PDE7B: variants seen among roughly 807,000 people sequenced by gnomAD.
PDE7B encodes the protein phosphodiesterase 7B.
A neutral mutation model predicts 56.2 loss-of-function variants in PDE7B; 29 were observed. That is an observed-to-expected ratio of 0.52 (90% CI 0.38 to 0.70). PDE7B has a LOEUF of 0.70. Ranked by LOEUF, PDE7B falls within the 30% of genes least tolerant of loss-of-function variation. The pLI is 0.00. For synonymous variants in PDE7B, 197 were observed against 196.9 expected (o/e 1.00, Z 0.00); for missense variants, 490 against 565.0 (o/e 0.87, Z 1.35).
intron 12 of PDE7B, among the ~76,000 whole-genome samples, chr6:136,187,753 A>C (rs1043118646): frequency 6.6e-6 from 1 of 152,258 alleles, no homozygotes; most frequent in African/African-American, 2.4e-5. Flanking sequence ...CCAAGAAGCA[A>C]ATCAAACTGT....
chr6:136,037,886 C>G (rs1776350564), intron 2 of PDE7B: 1 of 933,566 alleles, frequency 1.1e-6, no homozygotes, highest in African/African-American at 1.8e-5. Flanking sequence ...ACCTCGATGG[C>G]TTTTTTTTTT....
rs11440304 is a variant in PDE7B, at chr6:135,889,440, ATTT to A, written c.21+37441_21+37443del. ...CCACCGCACCCGAATGGTGCTACCA[ATTT>A]TTTTTTTTTTTTTTTTTTTGAGATG... On this transcript the variant is annotated intron_variant, in intron 1 of 12. Coordinates refer to ENST00000308191, the MANE Select transcript of PDE7B (RefSeq NM_018945.4). 4.3e-4 allele frequency among the ~76,000 whole-genome samples: 44 copies of A among 103,320 alleles called. No individual in the cohort carries two copies. In the East Asian group the frequency reaches 0.01, roughly 24 times the overall value. The allele number at this position is 103,320 out of a possible 152,430, so 67.8% of individuals were successfully genotyped here. A position where few individuals can be genotyped will look rare whatever the true frequency, so the allele number is the denominator to read the frequency against.
intron 2 of PDE7B, among the ~76,000 whole-genome samples, chr6:136,027,411 A>C (rs371335511): frequency 3.9e-5 from 6 of 152,322 alleles, no homozygotes; most frequent in African/African-American, 1.4e-4. Flanking sequence ...GAAGTCTGAC[A>C]ATCATTAGAG....
chr6:135,883,417 C>T (rs891326315), intron 1 of PDE7B, among the ~76,000 whole-genome samples: 2 of 152,044 alleles, frequency 1.3e-5, no homozygotes, highest in African/African-American at 2.4e-5. Context: ...TATTTATTAA[C>T]GAGCTATGTT....
intron 2 of PDE7B, among the ~76,000 whole-genome samples, chr6:136,099,741 A>G (rs751635137): frequency 8.6e-5 from 13 of 152,024 alleles, no homozygotes; most frequent in Non-Finnish European, 1.2e-4. Flanking sequence ...CACCCTGATG[A>G]TAGTTTCTTT....
intron 3 of PDE7B, among the ~76,000 whole-genome samples, chr6:136,113,778 G>A (rs543008374): frequency 9.8e-5 from 15 of 152,318 alleles, no homozygotes; most frequent in African/African-American, 3.6e-4. Flanking sequence ...ACCCAGAGGG[G>A]AGAGTTGCAG....
chr6:135,978,508 G>A (rs183441656), intron 2 of PDE7B, among the ~76,000 whole-genome samples: 119 of 151,900 alleles, frequency 7.8e-4, no homozygotes, highest in Non-Finnish European at 5.2e-4. Context: ...TAAATTAACC[G>A]TAGCTTACAA....
intron 2 of PDE7B, among the ~76,000 whole-genome samples, chr6:136,062,185 A>G (rs1225729345): frequency 6.6e-6 from 1 of 152,144 alleles, no homozygotes; most frequent in African/African-American, 2.4e-5. Context: ...ATACAGTACT[A>G]TTATCCTTTT....
At chr6:135,972,473 T>C (rs893920960) in intron 2 of PDE7B, among the ~76,000 whole-genome samples, 1 of 152,098 alleles carries the variant, frequency 6.6e-6, no homozygotes, top group African/African-American at 2.4e-5. Flanking sequence ...GCATAAATCA[T>C]AAGTCATCTA....
intron 2 of PDE7B, among the ~76,000 whole-genome samples, chr6:136,057,872 G>A (rs1776765444): frequency 6.6e-6 from 1 of 152,042 alleles, no homozygotes; most frequent in Admixed American, 6.6e-5. Flanking sequence ...AAGTAGCTGG[G>A]GTCACAGGCG....
At chr6:136,004,731 A>G (rs1357482609) in intron 2 of PDE7B, among the ~76,000 whole-genome samples, 2 of 152,248 alleles carry the variant, frequency 1.3e-5, no homozygotes, top group Non-Finnish European at 1.5e-5. Flanking sequence ...AGAACATTCC[A>G]TGTTCATGGG....
rs1327885931 is a variant in PDE7B at position 135,928,465 on chromosome 6, TTATTTA to T, written c.22-18995_22-18990del. On this transcript the variant is annotated intron_variant, in intron 1 of 12. Transcript: ENST00000308191. The stretch of plus-strand genomic sequence containing the variant: ...TATATATATTTATTTATATATATAT[TTATTTA>T]TATATATATATTTATTTATATATAT... Among the ~76,000 whole-genome samples the T allele has an allele frequency of 6.8e-3, 511 of 75,540 alleles. 10 individuals are homozygous for T. The highest frequency in any genetic ancestry group is 0.026 in the African/African-American group (482 of 18,436). The allele number at this position is 75,540 out of a possible 152,430, so 49.6% of individuals were successfully genotyped here. A position where few individuals can be genotyped will look rare whatever the true frequency, so the allele number is the denominator to read the frequency against.
chr6:136,156,161 A>G (rs946364607), intron 8 of PDE7B: 9 of 240,184 alleles, frequency 3.7e-5, no homozygotes, highest in Non-Finnish European at 6.9e-5. Context: ...AGAATGATCC[A>G]AGTGTGTGTG....
intron 2 of PDE7B, among the ~76,000 whole-genome samples, chr6:136,069,494 C>T (rs562327400): frequency 5.3e-5 from 8 of 152,272 alleles, no homozygotes; most frequent in African/African-American, 1.9e-4. Flanking sequence ...TCAAAACTGT[C>T]TCAGAAAAGC....
chr6:136,023,755 T>C (rs1776108345), intron 2 of PDE7B, among the ~76,000 whole-genome samples: 1 of 152,130 alleles, frequency 6.6e-6, no homozygotes, highest in Non-Finnish European at 1.5e-5. Flanking sequence ...GCTATAGAAA[T>C]AGATAGATAC....
At chr6:136,080,262 C>T (rs1003444460) in intron 2 of PDE7B, among the ~76,000 whole-genome samples, 16 of 152,176 alleles carry the variant, frequency 1.1e-4, no homozygotes, top group Admixed American at 1.0e-3. Context: ...TGAATAAGCA[C>T]CTAAAGTTAC....
rs1779268925 is a variant in PDE7B, at chr6:136,193,806, T to G, written c.*1966T>G. On this transcript the variant is annotated 3_prime_UTR_variant, in exon 13 of 13. Coordinates refer to ENST00000308191, the MANE Select transcript of PDE7B (RefSeq NM_018945.4). ...TATAGGGAGACTGAGGCTTGCAGAA[T>G]TAAGGTTCAGGGGAAATTTTGGAAA... 1 of 152,212 alleles carries G rather than the reference T, an allele frequency of 6.6e-6. No homozygotes were observed. Among genetic ancestry groups the G allele is most frequent in the African/African-American group, 2.4e-5 (1 of 41,458 alleles). 9.4% of individuals were successfully genotyped at this position (152,212 alleles called of 1,614,324 possible).
chr6:136,024,307 G>C (rs999223153), intron 2 of PDE7B, among the ~76,000 whole-genome samples: 4 of 152,156 alleles, frequency 2.6e-5, no homozygotes, highest in South Asian at 2.1e-4. Flanking sequence ...GTGAGGTAAA[G>C]GGCCCAGCAG....
chr6:136,036,877 C>T (rs1398006355), intron 2 of PDE7B, among the ~76,000 whole-genome samples: 1 of 152,194 alleles, frequency 6.6e-6, no homozygotes, highest in African/African-American at 2.4e-5. Context: ...TCAAATTGTT[C>T]CTACAAACCC....
Sources: allele counts gnomAD v4.1 joint callset (sites outside exome capture counted in the v4.1 genomes callset), GRCh38; gene constraint gnomAD v4.1.1; transcripts MANE v1.5; gene names NCBI Gene and HGNC (gene_info 2026-07-23, HGNC 2026-07-21).